ADGRF1: variants seen among roughly 807,000 people sequenced by gnomAD.
ADGRF1 encodes the protein G protein-coupled receptor 110.
ADGRF1 carries 85 observed loss-of-function variants against 87.2 expected under a neutral mutation model. The observed-to-expected ratio is 0.97, with a 90% confidence interval of 0.82 to 1.17. The LOEUF (loss-of-function observed/expected upper bound fraction) is 1.17, where lower values mean the gene tolerates loss of function less well. Among genes scored for constraint, ADGRF1 ranks in the 50% most tolerant of loss-of-function variants. The pLI is 0.00. For missense variants in ADGRF1, 1,169 were observed against 1,077.2 expected, an observed-to-expected ratio of 1.09 and a Z score of -1.19; for synonymous variants, 430 against 408.8, an observed-to-expected ratio of 1.05 and a Z score of -0.63.
At chr6:47,028,925 T>C (rs766259388) in intron 2 of ADGRF1, 68 bp downstream of exon 2, 7 of 1,227,474 alleles carry the variant, frequency 5.7e-6, no homozygotes, top group Non-Finnish European at 1.2e-6. Context: ...GAGTGAGGGG[T>C]TCTAAAAGTG....
At position 47,009,211 on chromosome 6, in the gene ADGRF1, T is replaced by G. The variant is rs1779620386; in HGVS notation, c.2224A>C (p.Lys742Gln). 1.5e-5 allele frequency: 25 copies of G among 1,614,206 alleles called. No individual in the cohort carries two copies. The highest frequency in any genetic ancestry group is 2.1e-5 in the Non-Finnish European group (25 of 1,180,040). Residue 742 changes from lysine (K) to glutamine (Q), a missense_variant, in exon 11 of 15, where the codon AAA becomes CAA. Transcript: ENST00000371253. ...VCWLNWSNGSKPLLAFVVPAL... is the reference protein window; with the variant it reads ...VCWLNWSNGSQPLLAFVVPAL... ...GGGACAACAAAAGCCAGGAGTGGTT[T>G]GCTTCCATTGGACCAGTTAAGCCAA...
Position 47,009,889 on chromosome 6 carries a change from T to G in ADGRF1, c.1546A>C (p.Asn516His). Residue 516 changes from asparagine (N) to histidine (H), a missense_variant, in exon 11 of 15, where the codon AAT (asparagine) becomes CAT (histidine). Physicochemically the swap from Asn to His is moderately conservative, Grantham distance 68. Coordinates refer to ENST00000371253, the MANE Select transcript of ADGRF1 (RefSeq NM_153840.4). ...ISTVIQNYSINEVFLFFSKIE... is the reference protein window; with the variant it reads ...ISTVIQNYSIHEVFLFFSKIE... The stretch of plus-strand genomic sequence containing the variant: ...TTGGAAAAAAATAGGAAAACTTCAT[T>G]TATGGAATAGTTTTGAATAACCGTG... 1 of 1,614,068 alleles carries G rather than the reference T, an allele frequency of 6.2e-7. No individual in the cohort carries two copies. The highest frequency in any genetic ancestry group is 8.5e-7 in the Non-Finnish European group (1 of 1,179,920).
Position 47,000,198 on chromosome 6 carries a change from T to A in ADGRF1, c.*24A>T. 1 of 1,573,800 alleles carries A rather than the reference T, an allele frequency of 6.4e-7. No individual in the cohort carries two copies. The highest frequency in any genetic ancestry group is 1.1e-5 in the South Asian group (1 of 89,086). On this transcript the variant is annotated 3_prime_UTR_variant, in exon 15 of 15. Coordinates refer to ENST00000371253, the MANE Select transcript of ADGRF1 (RefSeq NM_153840.4). Reference sequence around the variant, plus strand: ...AATGTCAAGTTGTTCTGGAAATTTTTTCTTGATTTTATGATTCCTTGCCTT... The same window carrying A: ...AATGTCAAGTTGTTCTGGAAATTTTATCTTGATTTTATGATTCCTTGCCTT...
In ADGRF1 at chr6:47,009,604, A is replaced by T; in HGVS notation, c.1831T>A (p.Trp611Arg). 1.2e-6 allele frequency: 2 copies of T among 1,614,196 alleles called. No individual in the cohort carries two copies. Among genetic ancestry groups the T allele is most frequent in the Non-Finnish European group, 1.7e-6 (2 of 1,180,022 alleles). Residue 611 changes from tryptophan to arginine, a missense_variant, in exon 11 of 15, where the codon TGG (tryptophan) becomes AGG (arginine). Physicochemically the swap from Trp to Arg is moderately radical, Grantham distance 101. Coordinates refer to ENST00000371253, the MANE Select transcript of ADGRF1 (RefSeq NM_153840.4). ...GTTTGGCTTTTTTTAATCTGCTTCC[A>T]AAACAAAGCCTCGATGATCAGGCAT... ...ILCLIIEALF[W>R]KQIKKSQTSH... is the part of the protein sequence containing the mutation.
intron 7 of ADGRF1, 163 bp downstream of exon 7, chr6:47,020,568 C>A (rs1445557033): frequency 3.3e-6 from 5 of 1,509,770 alleles, no homozygotes; most frequent in Non-Finnish European, 4.4e-6. Flanking sequence ...ACTCTTCAGA[C>A]TTTTTAAAGC....
intron 11 of ADGRF1, among the ~76,000 whole-genome samples, chr6:47,007,752 C>G (rs1306171127): frequency 6.6e-6 from 1 of 152,092 alleles, no homozygotes; most frequent in African/African-American, 2.4e-5. Context: ...TTGGGGAACC[C>G]TTGGTAAATG....
chr6:47,021,121 T>A (rs1426940957), intron 6 of ADGRF1, among the ~76,000 whole-genome samples: 4 of 152,206 alleles, frequency 2.6e-5, no homozygotes, highest in Non-Finnish European at 5.9e-5. Flanking sequence ...TTTTTCCTTA[T>A]GAAAAACAAG....
At position 46,999,528 on chromosome 6, in the gene ADGRF1, T is replaced by C. The variant is rs1779302175; in HGVS notation, c.*694A>G. 2 of 152,232 alleles carry C rather than the reference T, an allele frequency of 1.3e-5. No individual in the cohort carries two copies. Among genetic ancestry groups the C allele is most frequent in the Admixed American group, 1.3e-4 (2 of 15,288 alleles). The allele number at this position is 152,232 out of a possible 1,614,324, so 9.4% of individuals were successfully genotyped here. On this transcript the variant is annotated 3_prime_UTR_variant, in exon 15 of 15. Coordinates refer to ENST00000371253, the MANE Select transcript of ADGRF1 (RefSeq NM_153840.4). ...CCCTCATCTCTGCACTAGGTCTGCC[T>C]TGACACTTTTGTTTGCAGGGTTTAG...
chr6:47,032,231 T>C (rs539171829), intron 1 of ADGRF1, among the ~76,000 whole-genome samples: 42 of 152,342 alleles, frequency 2.8e-4, no homozygotes, highest in Middle Eastern at 3.4e-3. Flanking sequence ...GGTCGTGTGA[T>C]AGGAGTTCTA....
rs1404509427 is a variant in ADGRF1 at position 47,004,269 on chromosome 6, T to A, written c.2592+1548A>T. Among the ~76,000 whole-genome samples the A allele has an allele frequency of 2.0e-5, 3 of 152,230 alleles. No homozygotes were observed. The East Asian group carries it at 5.8e-4, about 29-fold the overall frequency. On this transcript the variant is annotated intron_variant, in intron 13 of 14. Transcript: ENST00000371253. ...CTGTCATTTGGGGTCCTTGGGGTCCTGCTTTTTCATTCAAACTCTCTAAGA... is the reference window on the plus strand; with the variant it reads ...CTGTCATTTGGGGTCCTTGGGGTCCAGCTTTTTCATTCAAACTCTCTAAGA...
intron 7 of ADGRF1, chr6:47,017,742 G>A (rs1483708709): frequency 1.3e-5 from 2 of 151,102 alleles, no homozygotes; most frequent in Non-Finnish European, 2.9e-5. Context: ...TTCTGGAATA[G>A]ACTAAACTAA....
Position 47,009,936 on chromosome 6 carries a change from T to C in ADGRF1, c.1499A>G (p.Gln500Arg), listed in dbSNP as rs987193234. 44 of 1,614,034 alleles carry C rather than the reference T, an allele frequency of 2.7e-5. No homozygotes were observed. The highest frequency in any genetic ancestry group is 3.7e-5 in the Non-Finnish European group (44 of 1,179,986). The change falls in exon 11 of 15, where the codon CAG becomes CGG. Residue 500 changes from glutamine (Q) to arginine (R), a missense_variant. Coordinates refer to ENST00000371253, the MANE Select transcript of ADGRF1 (RefSeq NM_153840.4). ...CGTGGATATCACAGGTCCATTGACC[T>C]GAGCATTTCCATTTTTGGAAACGGG... ...ILPVSKNGNA[Q>R]VNGPVISTVI...
rs145110768 is a variant in ADGRF1, at chr6:47,025,255, T to C, written c.277+599A>G. Among the ~76,000 whole-genome samples the C allele has an allele frequency of 2.9e-3, 441 of 152,278 alleles. 2 individuals carry two copies. The highest frequency in any genetic ancestry group is 0.014 in the Middle Eastern group (4 of 294). Reference sequence around the variant, plus strand: ...TCTCAAGCTTTATTGCGACACAGAATCACCTGGAAGATCTCACCCTGGAGT... The same window carrying C: ...TCTCAAGCTTTATTGCGACACAGAACCACCTGGAAGATCTCACCCTGGAGT... On this transcript the variant is annotated intron_variant, in intron 4 of 14. Coordinates refer to ENST00000371253, the MANE Select transcript of ADGRF1 (RefSeq NM_153840.4).
chr6:47,020,137 C>A, intron 7 of ADGRF1: 1 of 1,070,618 alleles, frequency 9.3e-7, no homozygotes, highest in Non-Finnish European at 1.1e-6. Context: ...CAAGTTTCTG[C>A]CCTACTGCTA....
In ADGRF1 at chr6:47,009,295, A is replaced by ATAT. The variant is rs762347850; in HGVS notation, c.2137_2139dup (p.Ile713dup). On this transcript the variant is annotated inframe_insertion, in exon 11 of 15. Coordinates refer to ENST00000371253, the MANE Select transcript of ADGRF1 (RefSeq NM_153840.4). ...TGCGTGACAGCAATGGTAATGACAG[A>ATAT]TATAATGAGAGGGCACCCATAACCC... The ATAT allele has an allele frequency of 5.0e-5, 80 of 1,614,068 alleles. No homozygotes were observed. Among genetic ancestry groups the ATAT allele is most frequent in the Non-Finnish European group, 6.6e-5 (78 of 1,180,040 alleles).
chr6:47,005,727 C>T (rs112537341), intron 13 of ADGRF1, 90 bp downstream of exon 13: 12,812 of 830,290 alleles, frequency 0.015, 183 homozygotes, highest in Middle Eastern at 0.089. Context: ...GGGGTTTACA[C>T]AGAAGTTGGC....
At position 47,016,787 on chromosome 6, in the gene ADGRF1, AAG is replaced by A. The variant is rs779083656; in HGVS notation, c.612-21_612-20del. On this transcript the variant is annotated intron_variant, in intron 7 of 14. Transcript: ENST00000371253. ...TCCATTTCTGCAGTGATTATGGGGA[AAG>A]AGAAATGAGATTCACTACTTATTTA... 1.2e-5 allele frequency: 18 copies of A among 1,557,026 alleles called. No individual in the cohort carries two copies. The highest frequency in any genetic ancestry group is 1.8e-5 in the Admixed American group (1 of 55,606).
intron 7 of ADGRF1, chr6:47,018,402 A>T: frequency 7.8e-7 from 1 of 1,278,318 alleles, no homozygotes; most frequent in Non-Finnish European, 1.0e-6. Context: ...CGCAGCTCAA[A>T]TTCTTACTAC....
At chr6:47,036,905 C>T (rs941806962) in intron 1 of ADGRF1, among the ~76,000 whole-genome samples, 1 of 152,194 alleles carries the variant, frequency 6.6e-6, no homozygotes, top group Non-Finnish European at 1.5e-5. Flanking sequence ...AAGATCATAG[C>T]AGTTTTGAAC....
Sources: gnomAD v4.1 joint callset for allele counts (sites outside exome capture counted in the v4.1 genomes callset) on GRCh38, gnomAD v4.1.1 for gene constraint, MANE v1.5 for transcripts, NCBI Gene and HGNC (gene_info 2026-07-23, HGNC 2026-07-21) for gene names.